HECW1: variants seen among roughly 807,000 people sequenced by gnomAD.
HECW1 encodes the protein HECT, C2 and WW domain containing E3 ubiquitin protein ligase 1.
Under a neutral mutation model 182.3 loss-of-function variants are expected in HECW1, and 61 were observed. The observed-to-expected ratio is 0.33, with a 90% CI of 0.27 to 0.41. The LOEUF is 0.41. Among genes scored for constraint, HECW1 ranks in the 10% least tolerant of loss-of-function variants. The probability of loss-of-function intolerance (pLI) is 1.00; values close to 1 mark genes in which losing one functional copy is unlikely to be tolerated. For missense variants in HECW1, 1,739 were observed against 2,108.9 expected (o/e 0.82, Z 3.44); for synonymous variants, 859 against 832.6 (o/e 1.03, Z -0.55).
chr7:43,326,447 T>G (rs1810800644), intron 5 of HECW1, among the ~76,000 whole-genome samples: 1 of 152,200 alleles, frequency 6.6e-6, no homozygotes, highest in African/African-American at 2.4e-5. Context: ...CTCTGGACTC[T>G]GAGATTCTGT....
intron 2 of HECW1, among the ~76,000 whole-genome samples, chr7:43,157,039 T>C (rs980125518): frequency 6.6e-6 from 1 of 152,244 alleles, no homozygotes; most frequent in African/African-American, 2.4e-5. Flanking sequence ...CACATGTTCA[T>C]TCGCAAACCT....
intron 3 of HECW1, among the ~76,000 whole-genome samples, chr7:43,305,688 C>A (rs985384827): frequency 6.6e-6 from 1 of 151,740 alleles, no homozygotes; most frequent in African/African-American, 2.4e-5. Context: ...GCAACCTCCA[C>A]CTCCCGGGTT....
At chr7:43,257,668 A>T (rs1331194563) in intron 3 of HECW1, among the ~76,000 whole-genome samples, 2 of 152,212 alleles carry the variant, frequency 1.3e-5, no homozygotes, top group African/African-American at 4.8e-5. Flanking sequence ...TAGTAAAAGC[A>T]GTGTGTTGAG....
intron 7 of HECW1, among the ~76,000 whole-genome samples, chr7:43,400,172 G>A (rs1301460649): frequency 6.6e-6 from 1 of 152,136 alleles, no homozygotes; most frequent in Non-Finnish European, 1.5e-5. Flanking sequence ...GGGGTTAGAG[G>A]CTACAGTGAG....
At chr7:43,275,879 T>C (rs1803077182) in intron 3 of HECW1, among the ~76,000 whole-genome samples, 2 of 152,160 alleles carry the variant, frequency 1.3e-5, no homozygotes, top group African/African-American at 4.8e-5. Context: ...CCTCTGGTGA[T>C]TTATGGTGTT....
At chr7:43,521,298 C>T (rs2152938762) in intron 24 of HECW1, among the ~76,000 whole-genome samples, 1 of 152,262 alleles carries the variant, frequency 6.6e-6, no homozygotes, top group South Asian at 2.1e-4. Context: ...TACAGTAGCA[C>T]CACCACGATC....
At chr7:43,415,081 C>T (rs1361490614) in intron 8 of HECW1, among the ~76,000 whole-genome samples, 1 of 150,594 alleles carries the variant, frequency 6.6e-6, no homozygotes, top group Non-Finnish European at 1.5e-5. Context: ...ATGATGTTAG[C>T]TGGTTATTTT....
At chr7:43,270,319 G>T (rs1219863929) in intron 3 of HECW1, among the ~76,000 whole-genome samples, 1 of 152,168 alleles carries the variant, frequency 6.6e-6, no homozygotes, top group African/African-American at 2.4e-5. Flanking sequence ...GTTGACTAGG[G>T]CAGGAGGACC....
chr7:43,474,567 A>T (rs2078150194), intron 16 of HECW1, among the ~76,000 whole-genome samples: 1 of 152,220 alleles, frequency 6.6e-6, no homozygotes, highest in South Asian at 2.1e-4. Context: ...AAATAATAAC[A>T]TTATATTAAA....
intron 2 of HECW1, among the ~76,000 whole-genome samples, chr7:43,136,523 A>G (rs900296956): frequency 6.6e-6 from 1 of 152,122 alleles, no homozygotes; most frequent in African/African-American, 2.4e-5. Flanking sequence ...TAGGAAGGAG[A>G]GCTGGCAAAA....
chr7:43,488,434 GAGA>G (rs1554440500), intron 17 of HECW1, among the ~76,000 whole-genome samples: 2 of 93,076 alleles, frequency 2.1e-5, no homozygotes, highest in African/African-American at 8.9e-5. Flanking sequence ...AAGAAAGAAA[GAGA>G]AAGAAAGAAA....
chr7:43,172,596 C>G (rs1437537851), intron 2 of HECW1, among the ~76,000 whole-genome samples: 2 of 152,000 alleles, frequency 1.3e-5, no homozygotes, highest in African/African-American at 4.8e-5. Context: ...TATAAACGTG[C>G]TTTACATGTG....
At chr7:43,385,518 GGTAA>G in intron 6 of HECW1, among the ~76,000 whole-genome samples, 1 of 150,772 alleles carries the variant, frequency 6.6e-6, no homozygotes, top group Admixed American at 6.6e-5. Context: ...ACATGGTCTT[GGTAA>G]AGCCTGGGGC....
chr7:43,393,237 G>A (rs1428191688), intron 6 of HECW1, among the ~76,000 whole-genome samples: 1 of 152,162 alleles, frequency 6.6e-6, no homozygotes, highest in African/African-American at 2.4e-5. Flanking sequence ...TCAGGCATCA[G>A]ACAAGCCACA....
Position 43,450,997 on chromosome 7 carries a change from T to C in HECW1, c.2500+68T>C, listed in dbSNP as rs2077216417. The C allele has an allele frequency of 7.2e-6, 8 of 1,110,224 alleles. No individual in the cohort carries two copies. The South Asian group carries it at 9.9e-5, about 14-fold the overall frequency. The allele number at this position is 1,110,224 out of a possible 1,614,324, so 68.8% of individuals were successfully genotyped here. A position where few individuals can be genotyped will look rare whatever the true frequency, so the allele number is the denominator to read the frequency against. On this transcript the variant is annotated intron_variant, in intron 12 of 29. Coordinates refer to ENST00000395891, the MANE Select transcript of HECW1 (RefSeq NM_015052.5). ...CAAGTCTAAGCAGGTCAGTATGAAT[T>C]TGTGTGTAAACATCTAAAGTCTTTC...
chr7:43,134,393 C>CAAAAAAAAAAA (rs35414360), intron 2 of HECW1, among the ~76,000 whole-genome samples: 5 of 87,762 alleles, frequency 5.7e-5, no homozygotes, highest in African/African-American at 1.5e-4. Flanking sequence ...GACTCTGTCT[C>CAAAAAAAAAAA]AAAAAAAAAA....
intron 6 of HECW1, among the ~76,000 whole-genome samples, chr7:43,384,729 T>C (rs1182811290): frequency 6.6e-6 from 1 of 152,188 alleles, no homozygotes; most frequent in East Asian, 1.9e-4. Context: ...TCCATTCTTC[T>C]TTGGATTATC....
At chr7:43,515,840 A>G (rs1353906797) in intron 24 of HECW1, among the ~76,000 whole-genome samples, 2 of 152,226 alleles carry the variant, frequency 1.3e-5, no homozygotes, top group Non-Finnish European at 2.9e-5. Flanking sequence ...ATAAGAAACT[A>G]CCAAGTTAAA....
chr7:43,272,199 G>C (rs921791146), intron 3 of HECW1, among the ~76,000 whole-genome samples: 1 of 151,878 alleles, frequency 6.6e-6, no homozygotes, highest in Non-Finnish European at 1.5e-5. Flanking sequence ...AACTCAAGAT[G>C]GATTAAAGAT....
Sources: allele counts gnomAD v4.1 joint callset (sites outside exome capture counted in the v4.1 genomes callset), GRCh38; gene constraint gnomAD v4.1.1; transcripts MANE v1.5; gene names NCBI Gene and HGNC (gene_info 2026-07-23, HGNC 2026-07-21).